Variants in GRIN2D observed in about 807,000 individuals in gnomAD.
GRIN2D encodes glutamate receptor ionotropic, NMDA 2D.
In GRIN2D, 37 loss-of-function variants were observed where a neutral mutation model predicts 103.2. The ratio of observed to expected loss-of-function variants is 0.36; its 90% CI spans 0.28 to 0.47. The LOEUF is 0.47. Among genes scored for constraint, GRIN2D ranks in the 20% least tolerant of loss-of-function variants. The probability of loss-of-function intolerance (pLI) is 1.00; values close to 1 mark genes in which losing one functional copy is unlikely to be tolerated. For synonymous variants in GRIN2D, 845 were observed against 885.6 expected (o/e 0.95, Z 0.81); for missense variants, 1,557 against 1,910.6 (o/e 0.81, Z 3.45).
chr19:48,411,225 T>C (rs113871167), intron 4 of GRIN2D, among the ~76,000 whole-genome samples: 2,498 of 151,856 alleles, frequency 0.016, 62 homozygotes, highest in African/African-American at 0.057. Flanking sequence ...CACAGGAGGC[T>C]GAGGTGGAAG....
Position 48,443,875 on chromosome 19 carries a change from G to T in GRIN2D, c.3949G>T (p.Gly1317Cys). The change falls in exon 14 of 14, where the codon GGC (glycine) becomes TGC (cysteine). Residue 1317 changes from glycine (G) to cysteine (C), a missense_variant. This residue lies in a region of GRIN2D where 88 missense variants were observed against 84.3 expected (regional missense o/e 1.04). Coordinates refer to ENST00000263269, the MANE Select transcript of GRIN2D (RefSeq NM_000836.4). The surrounding 1 kb of genome is among the most constrained non-coding windows in gnomAD (Gnocchi z 8.9). The part of the protein sequence containing the change: ...LPTASHRRHR[G>C]GDLGTRRGSA... ...CACAGCTTCCCACCGGAGACACCGG[G>T]GCGGGGACCTGGGCACCCGCAGGGG... 1 of 1,478,346 alleles carries T rather than the reference G, an allele frequency of 6.8e-7. No individual in the cohort carries two copies. The highest frequency in any genetic ancestry group is 8.9e-7 in the Non-Finnish European group (1 of 1,122,154). 91.6% of individuals were successfully genotyped at this position (1,478,346 alleles called of 1,614,324 possible).
chr19:48,399,547 G>C (rs561050350), intron 3 of GRIN2D, among the ~76,000 whole-genome samples: 13 of 152,336 alleles, frequency 8.5e-5, no homozygotes, highest in African/African-American at 2.9e-4. Flanking sequence ...CAGCCTGGGC[G>C]ACACAGTGAG....
intron 11 of GRIN2D, among the ~76,000 whole-genome samples, chr19:48,433,601 A>G (rs1600991536): frequency 6.6e-6 from 1 of 152,232 alleles, no homozygotes; most frequent in Non-Finnish European, 1.5e-5. Flanking sequence ...CGTCCTAAAA[A>G]GAAATAGAGA....
At position 48,443,153 on chromosome 19, in the gene GRIN2D, C is replaced by T. The variant is rs1440239253; in HGVS notation, c.3227C>T (p.Ala1076Val). ...AGCCAACCCCTGCTGGGGCCAGGCGCGGGCGGCGCGGGGGGCACGGGGGGC... is the reference window on the plus strand; with the variant it reads ...AGCCAACCCCTGCTGGGGCCAGGCGTGGGCGGCGCGGGGGGCACGGGGGGC... ...PESQPLLGPG[A>V]GGAGGTGGAG... Residue 1076 changes from alanine to valine, a missense_variant, in exon 14 of 14, where the codon GCG becomes GTG. Ala to Val is a moderately conservative substitution (Grantham distance 64, BLOSUM62 0). Coordinates refer to ENST00000263269, the MANE Select transcript of GRIN2D (RefSeq NM_000836.4). The surrounding 1 kb of genome is among the most constrained non-coding windows in gnomAD (Gnocchi z 8.9). 3 of 992,428 alleles carry T rather than the reference C, an allele frequency of 3.0e-6. No individual in the cohort carries two copies. Among genetic ancestry groups the T allele is most frequent in the Non-Finnish European group, 3.6e-6 (3 of 834,940 alleles). 61.5% of individuals were successfully genotyped at this position (992,428 alleles called of 1,614,324 possible).
rs1351101112 is a variant in GRIN2D at position 48,414,288 on chromosome 19, T to C, written c.1201-85T>C. 7.6e-6 allele frequency: 9 copies of C among 1,186,000 alleles called. No individual in the cohort carries two copies. The Admixed American group carries it at 1.8e-4, about 24-fold the overall frequency. 73.5% of individuals were successfully genotyped at this position (1,186,000 alleles called of 1,614,324 possible). Reference sequence around the variant, plus strand: ...TGGAAGAAGCTGCTGCCCACACACCTAGGTCTGAGGGAAGAGGATCATGGA... The same window carrying C: ...TGGAAGAAGCTGCTGCCCACACACCCAGGTCTGAGGGAAGAGGATCATGGA... On this transcript the variant is annotated intron_variant, in intron 5 of 13. Transcript: ENST00000263269. The surrounding 1 kb of genome is among the most constrained non-coding windows in gnomAD (Gnocchi z 4.6).
intron 3 of GRIN2D, among the ~76,000 whole-genome samples, chr19:48,403,710 G>T (rs1192306101): frequency 6.6e-6 from 1 of 152,154 alleles, no homozygotes; most frequent in Non-Finnish European, 1.5e-5. Flanking sequence ...ACCAAAGAAG[G>T]GAAAGGACAC....
rs1240528482 is a variant in GRIN2D, at chr19:48,398,690, G to C, written c.298G>C (p.Val100Leu). ...VLNGSDPRSL[V>L]LQLCDLLSGL... ...CAACGGCTCGGACCCGCGCAGCCTC[G>C]TGCTGCAGCTCTGCGACCTGCTGTC... is the stretch of plus-strand genomic sequence containing the variant. Residue 100 changes from valine (V) to leucine (L), a missense_variant, in exon 3 of 14, where the codon GTG (valine) becomes CTG (leucine). Val to Leu is a conservative substitution (Grantham distance 32). Coordinates refer to ENST00000263269, the MANE Select transcript of GRIN2D (RefSeq NM_000836.4). 2 of 1,462,416 alleles carry C rather than the reference G, an allele frequency of 1.4e-6. No homozygotes were observed. Among genetic ancestry groups the C allele is most frequent in the Middle Eastern group, 2.4e-4 (1 of 4,180 alleles). 90.6% of individuals were successfully genotyped at this position (1,462,416 alleles called of 1,614,324 possible).
intron 11 of GRIN2D, among the ~76,000 whole-genome samples, chr19:48,429,234 T>C (rs990377208): frequency 6.6e-6 from 1 of 152,064 alleles, no homozygotes; most frequent in African/African-American, 2.4e-5. Flanking sequence ...TTTAGTTTAG[T>C]TTGGTTTGGG....
Position 48,443,172 on chromosome 19 carries a change from G to C in GRIN2D, c.3246G>C (p.Thr1082=), listed in dbSNP as rs917605243. 3.8e-4 allele frequency: 401 copies of C among 1,042,364 alleles called. 2 individuals are homozygous for C. The African/African-American group carries it at 6.2e-3, about 16-fold the overall frequency. The allele number at this position is 1,042,364 out of a possible 1,614,324, so 64.6% of individuals were successfully genotyped here. A position where few individuals can be genotyped will look rare whatever the true frequency, so the allele number is the denominator to read the frequency against. The change falls in exon 14 of 14, where the codon ACG becomes ACC. Residue 1082 remains threonine, a synonymous_variant. Transcript: ENST00000263269. The surrounding 1 kb of genome is among the most constrained non-coding windows in gnomAD (Gnocchi z 8.9). ...LGPGAGGAGG[T]GGAGGGAPAA... ...CAGGCGCGGGCGGCGCGGGGGGCAC[G>C]GGGGGCGCAGGCGGAGGAGCCCCGG...
chr19:48,424,871 C>G (rs1397652865), intron 11 of GRIN2D, among the ~76,000 whole-genome samples: 3 of 152,168 alleles, frequency 2.0e-5, no homozygotes, highest in Non-Finnish European at 2.9e-5. Flanking sequence ...TGGCCGCCCC[C>G]CAGGACCCTG....
Position 48,443,939 on chromosome 19 carries a change from G to C in GRIN2D, c.*2G>C. The C allele has an allele frequency of 7.1e-7, 1 of 1,401,700 alleles. No individual in the cohort carries two copies. Among genetic ancestry groups the C allele is most frequent in the Non-Finnish European group, 9.3e-7 (1 of 1,077,376 alleles). The allele number at this position is 1,401,700 out of a possible 1,614,324, so 86.8% of individuals were successfully genotyped here. On this transcript the variant is annotated 3_prime_UTR_variant, in exon 14 of 14. Transcript: ENST00000263269. The surrounding 1 kb of genome is among the most constrained non-coding windows in gnomAD (Gnocchi z 8.9). ...TCTAGCCTCGAGTCCGAGGTATGAC[G>C]CGGCCCCGGGGGCCCCACCGCCCCC...
At chr19:48,418,313 G>A (rs149421718) in intron 8 of GRIN2D, among the ~76,000 whole-genome samples, 1,987 of 152,248 alleles carry the variant, frequency 0.013, 45 homozygotes, top group African/African-American at 0.045. Context: ...GATTACAGGC[G>A]TGAACCACCA....
rs1209854290 is a variant in GRIN2D at position 48,421,185 on chromosome 19, T to C, written c.2092-600T>C. Reference sequence around the variant, plus strand: ...GGCTTATGCCTGTAATCCCAGCACTTTGGGAGGCCAAGGCGGGCGGATCAC... The same window carrying C: ...GGCTTATGCCTGTAATCCCAGCACTCTGGGAGGCCAAGGCGGGCGGATCAC... On this transcript the variant is annotated intron_variant, in intron 10 of 13. Coordinates refer to ENST00000263269, the MANE Select transcript of GRIN2D (RefSeq NM_000836.4). The surrounding 1 kb of genome is among the most constrained non-coding windows in gnomAD (Gnocchi z 4.8). 6.6e-6 allele frequency among the ~76,000 whole-genome samples: 1 copy of C among 152,174 alleles called. No individual in the cohort carries two copies. The highest frequency in any genetic ancestry group is 1.5e-5 in the Non-Finnish European group (1 of 68,034).
At position 48,443,316 on chromosome 19, in the gene GRIN2D, G is replaced by A; in HGVS notation, c.3390G>A (p.Glu1130=). The change falls in exon 14 of 14, where the codon GAG becomes GAA. Residue 1130 remains glutamate, a synonymous_variant. Transcript: ENST00000263269. This position sits in a 1 kb window ranked among gnomAD's most constrained non-coding sequence, Gnocchi z 8.9. Reference sequence around the variant, plus strand: ...GCGGCGCGTCGCTGGGCGGCCTGGAGCCCTGGTGGTTCGCCGACTTCCCTT... The same window carrying A: ...GCGGCGCGTCGCTGGGCGGCCTGGAACCCTGGTGGTTCGCCGACTTCCCTT... ...SLGGASLGGL[E]PWWFADFPYP... is the part of the protein sequence containing the mutation. 1.3e-6 allele frequency: 2 copies of A among 1,542,834 alleles called. No individual in the cohort carries two copies. The highest frequency in any genetic ancestry group is 2.3e-5 in the South Asian group (2 of 85,538).
In GRIN2D at chr19:48,405,619, G is replaced by T. The variant is rs1970783038; in HGVS notation, c.1085+266G>T. On this transcript the variant is annotated intron_variant, in intron 4 of 13. Transcript: ENST00000263269. The surrounding 1 kb of genome is among the most constrained non-coding windows in gnomAD (Gnocchi z 5.1). ...ATTTTAATGTCTTTGAAAACGAGATGTGTCTTATAATTGATGACTTATCAT... is the reference window on the plus strand; with the variant it reads ...ATTTTAATGTCTTTGAAAACGAGATTTGTCTTATAATTGATGACTTATCAT... 6.6e-6 allele frequency among the ~76,000 whole-genome samples: 1 copy of T among 152,194 alleles called. No individual in the cohort carries two copies. The highest frequency in any genetic ancestry group is 2.1e-4 in the South Asian group (1 of 4,830).
chr19:48,433,916 A>C (rs547238427), intron 11 of GRIN2D, among the ~76,000 whole-genome samples: 2 of 149,860 alleles, frequency 1.3e-5, no homozygotes, highest in Non-Finnish European at 3.0e-5. Flanking sequence ...CCTCCCTTGG[A>C]CCAGTCTGAG....
intron 11 of GRIN2D, among the ~76,000 whole-genome samples, chr19:48,438,500 G>T (rs991798713): frequency 6.6e-6 from 1 of 151,668 alleles, no homozygotes; most frequent in African/African-American, 2.4e-5. Context: ...GGGTTTCACC[G>T]TGTTAGCCAG....
chr19:48,443,147 C>T lies in GRIN2D; in HGVS notation c.3221C>T (p.Pro1074Leu), dbSNP rs1364298279. Reference sequence around the variant, plus strand: ...CCCGAGAGCCAACCCCTGCTGGGGCCAGGCGCGGGCGGCGCGGGGGGCACG... The same window carrying T: ...CCCGAGAGCCAACCCCTGCTGGGGCTAGGCGCGGGCGGCGCGGGGGGCACG... The part of the protein sequence containing the change: ...SDPESQPLLG[P>L]GAGGAGGTGG... The change falls in exon 14 of 14, where the codon CCA (proline) becomes CTA (leucine). Residue 1074 changes from proline (P) to leucine (L), a missense_variant. Transcript: ENST00000263269. The surrounding 1 kb of genome is among the most constrained non-coding windows in gnomAD (Gnocchi z 8.9). The T allele has an allele frequency of 5.0e-6, 5 of 992,794 alleles. No individual in the cohort carries two copies. The East Asian group carries it at 3.2e-4, about 63-fold the overall frequency. 61.5% of individuals were successfully genotyped at this position (992,794 alleles called of 1,614,324 possible). A position where few individuals can be genotyped will look rare whatever the true frequency, so the allele number is the denominator to read the frequency against.
At chr19:48,415,772 A>G (rs1255070350) in intron 7 of GRIN2D, among the ~76,000 whole-genome samples, 1 of 152,032 alleles carries the variant, frequency 6.6e-6, no homozygotes, top group Non-Finnish European at 1.5e-5. Flanking sequence ...TGCTGGGAGC[A>G]GCCGGGTAGG....
Sources: gnomAD v4.1 joint callset for allele counts (sites outside exome capture counted in the v4.1 genomes callset) on GRCh38, gnomAD v4.1.1 for gene constraint, gnomAD v4.1.1 regional missense constraint, Gnocchi (gnomAD v3.1) non-coding constraint, MANE v1.5 for transcripts, NCBI Gene and HGNC (gene_info 2026-07-23, HGNC 2026-07-21) for gene names.